Variants in CCDC88A observed in about 807,000 individuals in gnomAD.
CCDC88A encodes the protein coiled-coil and HOOK domain protein 88A, also known as girdin.
In CCDC88A, 54 loss-of-function variants were observed where a neutral mutation model predicts 234.3. The observed-to-expected ratio is 0.23, with a 90% CI of 0.19 to 0.29. The LOEUF (loss-of-function observed/expected upper bound fraction) is 0.29, where lower values mean the gene tolerates loss of function less well. Ranked by LOEUF, CCDC88A falls within the 10% of genes least tolerant of loss-of-function variation. The pLI, the probability that CCDC88A is intolerant of heterozygous loss-of-function variation, is 1.00. For synonymous variants in CCDC88A, 753 were observed against 737.8 expected, an observed-to-expected ratio of 1.02 and a Z score of -0.33; for missense variants, 1,832 against 2,123.4, an observed-to-expected ratio of 0.86 and a Z score of 2.70.
intron 29 of CCDC88A, among the ~76,000 whole-genome samples, chr2:55,298,789 C>T (rs1238654824): frequency 6.8e-6 from 1 of 147,488 alleles, no homozygotes. Flanking sequence ...GTGGTAGGAT[C>T]GCTTGAGTCT....
intron 2 of CCDC88A, among the ~76,000 whole-genome samples, chr2:55,396,015 T>C (rs1677476865): frequency 1.3e-5 from 2 of 151,968 alleles, no homozygotes; most frequent in South Asian, 4.1e-4. Context: ...CAAGAAGTCA[T>C]AGTAAAACTG....
In CCDC88A at chr2:55,336,715, G is replaced by GT; in HGVS notation, c.1621dup (p.Thr541AsnfsTer14). On this transcript the variant is annotated frameshift_variant, in exon 14 of 33. Coordinates refer to ENST00000436346, the MANE Select transcript of CCDC88A (RefSeq NM_001365480.1). LOFTEE classifies it high-confidence loss of function. ...TGAATTTTCTCTCAGTGTTTCTATT[G>GT]TTTTTTCAAGCTGAGCTTTCTCCTT... 6.3e-7 allele frequency: 1 copy of GT among 1,589,588 alleles called. No individual in the cohort carries two copies. The highest frequency in any genetic ancestry group is 1.2e-5 in the South Asian group (1 of 86,944).
chr2:55,388,689 C>T (rs1186789928), intron 3 of CCDC88A, 89 bp downstream of exon 3: 4 of 612,840 alleles, frequency 6.5e-6, no homozygotes, highest in East Asian at 3.2e-5. Context: ...ATATAATAAG[C>T]GTTTAAATAT....
chr2:55,341,678 C>CAG (rs1172987323), intron 12 of CCDC88A, among the ~76,000 whole-genome samples: 1 of 151,790 alleles, frequency 6.6e-6, no homozygotes, highest in Non-Finnish European at 1.5e-5. Flanking sequence ...CTCTTGACCT[C>CAG]GTGATCCACC....
intron 2 of CCDC88A, chr2:55,399,904 C>T (rs1365292493): frequency 6.6e-6 from 1 of 152,142 alleles, no homozygotes; most frequent in Non-Finnish European, 1.5e-5. Flanking sequence ...AAAAAACACT[C>T]ATTCCTGTGT....
intron 8 of CCDC88A, 71 bp from the exon 9 acceptor site, chr2:55,349,670 A>C (rs769557454): frequency 1.2e-5 from 12 of 994,394 alleles, no homozygotes; most frequent in Non-Finnish European, 1.7e-5. Flanking sequence ...CGTTAATATA[A>C]ATGTATCATC....
In CCDC88A at chr2:55,381,922, G is replaced by A. The variant is rs1054820124; in HGVS notation, c.273+6856C>T. 1.2e-4 allele frequency among the ~76,000 whole-genome samples: 18 copies of A among 152,192 alleles called. 1 individual carries two copies. The highest frequency in any genetic ancestry group is 3.9e-4 in the East Asian group (2 of 5,190). On this transcript the variant is annotated intron_variant, in intron 3 of 32. Coordinates refer to ENST00000436346, the MANE Select transcript of CCDC88A (RefSeq NM_001365480.1). ...AATGACAGTCCCTCTTTTGAGACTC[G>A]TATAATCTACTTCTAAAATTCAGTA...
intron 9 of CCDC88A, 30 bp downstream of exon 9, chr2:55,349,488 T>C (rs766735302): frequency 1.4e-6 from 2 of 1,435,762 alleles, no homozygotes; most frequent in Non-Finnish European, 2.0e-6. Flanking sequence ...TACTTGGTGG[T>C]CCTAAATAAC....
At chr2:55,311,150 A>G (rs1236324281) in intron 23 of CCDC88A, among the ~76,000 whole-genome samples, 1 of 152,202 alleles carries the variant, frequency 6.6e-6, no homozygotes, top group African/African-American at 2.4e-5. Context: ...TCAAATGCCA[A>G]AAGTTTTATA....
At chr2:55,381,680 AT>A (rs1480873958) in intron 3 of CCDC88A, among the ~76,000 whole-genome samples, 8 of 152,272 alleles carry the variant, frequency 5.3e-5, no homozygotes, top group African/African-American at 1.9e-4. Flanking sequence ...AGATATAAAC[AT>A]TATTTAGTTA....
Position 55,346,305 on chromosome 2 carries a change from G to C in CCDC88A, c.911C>G (p.Ser304Cys), listed in dbSNP as rs992302494. 1.3e-5 allele frequency: 20 copies of C among 1,599,088 alleles called. No individual in the cohort carries two copies. The highest frequency in any genetic ancestry group is 2.7e-5 in the African/African-American group (2 of 74,644). Residue 304 changes from serine to cysteine, a missense_variant, in exon 10 of 33, where the codon TCT becomes TGT. By Grantham distance (112) the Ser-to-Cys change is moderately radical. Transcript: ENST00000436346. ...TAATTCATCTCGGTACATTCTGGCAGAGCGAGCATCCGAAAGCAAATTCAT... is the reference window on the plus strand; with the variant it reads ...TAATTCATCTCGGTACATTCTGGCACAGCGAGCATCCGAAAGCAAATTCAT... ...ENMNLLSDAR[S>C]ARMYRDELDA... is the part of the protein sequence containing the mutation.
chr2:55,296,604 T>C (rs1680057515), intron 29 of CCDC88A, 81 bp from the exon 30 acceptor site: 2 of 1,376,734 alleles, frequency 1.5e-6, no homozygotes, highest in Non-Finnish European at 2.0e-6. Flanking sequence ...TTGTTGACTG[T>C]GTGCTAATTA....
At chr2:55,413,843 T>G (rs550284225) in intron 2 of CCDC88A, among the ~76,000 whole-genome samples, 1 of 151,962 alleles carries the variant, frequency 6.6e-6, no homozygotes, top group East Asian at 1.9e-4. Context: ...TCCTAGGTAC[T>G]TGGGAGGCTA....
intron 1 of CCDC88A, 50 bp downstream of exon 1, chr2:55,418,967 G>GC: frequency 6.3e-7 from 1 of 1,593,934 alleles, no homozygotes; most frequent in South Asian, 1.1e-5. Context: ...CTCCATCTCT[G>GC]CAGCCACAAA....
At chr2:55,367,312 G>GAT (rs1672120478) in intron 5 of CCDC88A, among the ~76,000 whole-genome samples, 7 of 152,064 alleles carry the variant, frequency 4.6e-5, no homozygotes, top group Admixed American at 4.6e-4. Context: ...AAATTCTTCA[G>GAT]ATGGATGGTG....
At chr2:55,297,416 A>ATT (rs1200730594) in intron 29 of CCDC88A, among the ~76,000 whole-genome samples, 1 of 36,926 alleles carries the variant, frequency 2.7e-5, no homozygotes, top group Non-Finnish European at 7.4e-5. Flanking sequence ...ATATGTGTGT[A>ATT]TTTTTTTTTT....
intron 22 of CCDC88A, 67 bp from the exon 23 acceptor site, chr2:55,312,646 T>G: frequency 8.8e-7 from 1 of 1,136,692 alleles, no homozygotes; most frequent in Admixed American, 2.0e-5. Context: ...CTGAAAAATA[T>G]GAAGTACTAC....
chr2:55,411,775 G>A (rs1362890930), intron 2 of CCDC88A, among the ~76,000 whole-genome samples: 4 of 62,452 alleles, frequency 6.4e-5, no homozygotes, highest in African/African-American at 2.1e-4. Context: ...GTAAGACTCC[G>A]TCTCAAAAAA....
chr2:55,382,483 A>G (rs1438328614), intron 3 of CCDC88A, among the ~76,000 whole-genome samples: 3 of 152,178 alleles, frequency 2.0e-5, no homozygotes, highest in Non-Finnish European at 2.9e-5. Context: ...TAGTCACACC[A>G]AACACTGGCT....
Sources: gnomAD v4.1 joint callset for allele counts (sites outside exome capture counted in the v4.1 genomes callset) on GRCh38, gnomAD v4.1.1 for gene constraint, MANE v1.5 for transcripts, NCBI Gene and HGNC (gene_info 2026-07-23, HGNC 2026-07-21) for gene names.